The following WDFY2 variants were observed in gnomAD, a reference collection of about 807,000 sequenced individuals.
The protein encoded by WDFY2 is WD repeat and FYVE domain-containing protein 2.
WDFY2 carries 36 observed loss-of-function variants against 56.4 expected under a neutral mutation model. The observed-to-expected ratio is 0.64, with a 90% CI of 0.49 to 0.84. The LOEUF (loss-of-function observed/expected upper bound fraction) is 0.84. WDFY2 is among the 40% of genes least tolerant of loss of function. The probability of loss-of-function intolerance (pLI) is 0.00; values close to 1 mark genes in which losing one functional copy is unlikely to be tolerated. For missense variants in WDFY2, 444 were observed against 512.2 expected, an observed-to-expected ratio of 0.87 and a Z score of 1.29; for synonymous variants, 176 against 183.7, an observed-to-expected ratio of 0.96 and a Z score of 0.34.
intron 6 of WDFY2, among the ~76,000 whole-genome samples, chr13:51,733,345 T>C (rs116545171): frequency 2.7e-4 from 41 of 152,256 alleles, no homozygotes; most frequent in African/African-American, 9.6e-4. Flanking sequence ...CCAGAAGTGG[T>C]GTTTAAATAG....
At chr13:51,683,173 G>A (rs1238053529) in intron 3 of WDFY2, among the ~76,000 whole-genome samples, 5 of 152,128 alleles carry the variant, frequency 3.3e-5, no homozygotes, top group East Asian at 1.9e-4. Flanking sequence ...CCTTATTTTC[G>A]TGGATTGAGA....
At chr13:51,684,782 G>A (rs976205537) in intron 3 of WDFY2, among the ~76,000 whole-genome samples, 6 of 152,012 alleles carry the variant, frequency 3.9e-5, no homozygotes, top group African/African-American at 1.5e-4. Flanking sequence ...GGCCTTCTTT[G>A]TCTATTCCCA....
intron 3 of WDFY2, among the ~76,000 whole-genome samples, chr13:51,675,609 G>A (rs1157623983): frequency 6.6e-6 from 1 of 152,160 alleles, no homozygotes; most frequent in Admixed American, 6.5e-5. Flanking sequence ...CAACAGAACA[G>A]GAGGAAAATG....
At chr13:51,751,273 C>A in intron 7 of WDFY2, 37 bp from the exon 8 acceptor site, 2 of 1,601,644 alleles carry the variant, frequency 1.2e-6, no homozygotes, top group South Asian at 2.2e-5. Flanking sequence ...TGCATTTGTT[C>A]TCCTAAACTG....
At chr13:51,636,891 G>A (rs1472056363) in intron 1 of WDFY2, among the ~76,000 whole-genome samples, 5 of 150,968 alleles carry the variant, frequency 3.3e-5, no homozygotes, top group African/African-American at 1.2e-4. Context: ...GTACACACAT[G>A]TGAAAAAATG....
chr13:51,754,935 A>G (rs1953331542), intron 8 of WDFY2, among the ~76,000 whole-genome samples: 2 of 152,148 alleles, frequency 1.3e-5, no homozygotes, highest in South Asian at 4.1e-4. Context: ...TGTTTCACAA[A>G]CAAACATTAA....
intron 1 of WDFY2, among the ~76,000 whole-genome samples, chr13:51,604,539 G>C (rs1954349606): frequency 1.3e-5 from 2 of 152,124 alleles, no homozygotes; most frequent in Admixed American, 1.3e-4. Flanking sequence ...TCAAGGTTTG[G>C]GACAGAGAGA....
At chr13:51,700,952 A>G (rs976827025) in intron 3 of WDFY2, among the ~76,000 whole-genome samples, 4 of 151,936 alleles carry the variant, frequency 2.6e-5, no homozygotes, top group Non-Finnish European at 5.9e-5. Flanking sequence ...GGGCAACAAG[A>G]GCGAAGCTCT....
chr13:51,625,899 C>T (rs1954827759), intron 1 of WDFY2, among the ~76,000 whole-genome samples: 1 of 152,186 alleles, frequency 6.6e-6, no homozygotes, highest in Admixed American at 6.5e-5. Context: ...TGAGTTCCTC[C>T]TGTTAGATTG....
intron 1 of WDFY2, among the ~76,000 whole-genome samples, chr13:51,608,669 A>G (rs139415855): frequency 1.3e-5 from 2 of 152,350 alleles, no homozygotes; most frequent in African/African-American, 4.8e-5. Flanking sequence ...TGACAGAGCG[A>G]GACTGTCTTA....
chr13:51,688,381 A>C (rs958581757), intron 3 of WDFY2, among the ~76,000 whole-genome samples: 1 of 152,136 alleles, frequency 6.6e-6, no homozygotes. Flanking sequence ...TAGAGATTCA[A>C]TGAAATACTC....
chr13:51,689,276 G>C (rs771880076), intron 3 of WDFY2, among the ~76,000 whole-genome samples: 5 of 152,182 alleles, frequency 3.3e-5, no homozygotes, highest in Non-Finnish European at 7.3e-5. Flanking sequence ...GATGATGACA[G>C]GTAAACCGTG....
intron 2 of WDFY2, among the ~76,000 whole-genome samples, chr13:51,670,489 G>GCGCGCACACACACA (rs994843711): frequency 2.3e-5 from 3 of 131,420 alleles, no homozygotes; most frequent in African/African-American, 8.7e-5. Context: ...GTGCGCACAT[G>GCGCGCACACACACA]CACACACACA....
intron 1 of WDFY2, among the ~76,000 whole-genome samples, chr13:51,649,310 A>G (rs1955321691): frequency 6.6e-6 from 1 of 152,098 alleles, no homozygotes; most frequent in African/African-American, 2.4e-5. Context: ...GAGAGAAGAA[A>G]ACAGCACGTG....
At chr13:51,653,214 G>A (rs1317908807) in intron 1 of WDFY2, among the ~76,000 whole-genome samples, 1 of 152,132 alleles carries the variant, frequency 6.6e-6, no homozygotes, top group Non-Finnish European at 1.5e-5. Context: ...TGAGGCTTGT[G>A]CATTTGTCAC....
intron 4 of WDFY2, among the ~76,000 whole-genome samples, chr13:51,705,126 T>C (rs1397699750): frequency 6.6e-6 from 1 of 152,182 alleles, no homozygotes; most frequent in African/African-American, 2.4e-5. Context: ...GCTGAGGAAC[T>C]GAGGGAGGCC....
At chr13:51,756,228 C>T (rs1362447189) in intron 9 of WDFY2, 104 bp from the exon 10 acceptor site, 12 of 1,478,960 alleles carry the variant, frequency 8.1e-6, no homozygotes, top group Non-Finnish European at 1.1e-5. Context: ...AGCATCCTCA[C>T]CTGGATGCAG....
At chr13:51,631,636 T>G (rs1249649311) in intron 1 of WDFY2, among the ~76,000 whole-genome samples, 2 of 152,200 alleles carry the variant, frequency 1.3e-5, no homozygotes, top group African/African-American at 2.4e-5. Context: ...TACATTATGC[T>G]CCTTCAAGCA....
intron 1 of WDFY2, among the ~76,000 whole-genome samples, chr13:51,645,018 A>T (rs1324045187): frequency 1.3e-5 from 2 of 152,216 alleles, no homozygotes; most frequent in Non-Finnish European, 2.9e-5. Context: ...GGAACCTCTC[A>T]GTTTGTTTTT....
Sources: allele counts gnomAD v4.1 joint callset (sites outside exome capture counted in the v4.1 genomes callset), GRCh38; gene constraint gnomAD v4.1.1; transcripts MANE v1.5; gene names NCBI Gene and HGNC (gene_info 2026-07-23, HGNC 2026-07-21).